The following TRMT5 variants were observed in gnomAD, a reference collection of about 807,000 sequenced individuals.
TRMT5 encodes the protein tRNA methyltransferase 5.
Under a neutral mutation model 42.2 loss-of-function variants are expected in TRMT5, and 31 were observed. The observed-to-expected ratio is 0.73, with a 90% CI of 0.55 to 0.99. TRMT5 has a LOEUF of 0.99. Among genes scored for constraint, TRMT5 ranks in the 50% least tolerant of loss-of-function variants. TRMT5 has a pLI of 0.00. For missense variants in TRMT5, 568 were observed against 595.0 expected (o/e 0.95, Z 0.47); for synonymous variants, 198 against 209.6 (o/e 0.94, Z 0.48).
chr14:60,981,508 G>T, upstream of TRMT5: 2 of 1,534,900 alleles, frequency 1.3e-6, no homozygotes, highest in Non-Finnish European at 8.7e-7. Flanking sequence ...GAACCCTGGG[G>T]GATGGGGTCT....
chr14:60,972,520 G>A lies in TRMT5; in HGVS notation c.*2589C>T, dbSNP rs1001882035. ...CACCGGGTGTGGGACGCAGCAGCGC[G>A]CGGGCTTTGGTCGGTCCAGGGGTCG... On this transcript the variant is annotated 3_prime_UTR_variant, in exon 5 of 5. Coordinates refer to ENST00000261249, the MANE Select transcript of TRMT5 (RefSeq NM_020810.3). 5 of 449,220 alleles carry A rather than the reference G, an allele frequency of 1.1e-5. No homozygotes were observed. Among genetic ancestry groups the A allele is most frequent in the African/African-American group, 6.1e-5 (3 of 49,316 alleles). The allele number at this position is 449,220 out of a possible 1,614,324, so 27.8% of individuals were successfully genotyped here. A position where few individuals can be genotyped will look rare whatever the true frequency, so the allele number is the denominator to read the frequency against.
intron 2 of TRMT5, among the ~76,000 whole-genome samples, chr14:60,978,083 G>A (rs1174051133): frequency 6.6e-6 from 1 of 151,908 alleles, no homozygotes; most frequent in African/African-American, 2.4e-5. Flanking sequence ...CTATGGCTTT[G>A]GAACAAATGC....
Position 60,980,970 on chromosome 14 carries a change from C to T in TRMT5, c.4G>A (p.Val2Met). The part of the protein sequence containing the change: M[V>M]LWILWRPFGF... ...ACGCGGCCGCCACCTCACCAAAGCA[C>T]CATTCCAATTCCCCACGTCGCTCTG... Residue 2 changes from valine (V) to methionine (M), a missense_variant, in exon 1 of 5, where the codon GTG (valine) becomes ATG (methionine). Transcript: ENST00000261249. 1 of 1,612,344 alleles carries T rather than the reference C, an allele frequency of 6.2e-7. No homozygotes were observed. The highest frequency in any genetic ancestry group is 8.5e-7 in the Non-Finnish European group (1 of 1,180,010).
rs1404114647 is a variant in TRMT5 at position 60,975,909 on chromosome 14, A to G, written c.1010T>C (p.Leu337Ser). 1 of 1,614,230 alleles carries G rather than the reference A, an allele frequency of 6.2e-7. No individual in the cohort carries two copies. Among genetic ancestry groups the G allele is most frequent in the Non-Finnish European group, 8.5e-7 (1 of 1,180,046 alleles). ...CACTTTATTTAATTTACAGTTGTAC[A>G]ACAGCCATTTATGAGATTCAGGATT... ...DLNPESHKWL[L>S]YNCKLNKVDQ... The change falls in exon 4 of 5, where the codon TTG (leucine) becomes TCG (serine). Residue 337 changes from leucine (L) to serine (S), a missense_variant. Transcript: ENST00000261249.
intron 2 of TRMT5, among the ~76,000 whole-genome samples, chr14:60,978,784 AACAGG>A (rs1566590797): frequency 6.6e-6 from 1 of 152,202 alleles, no homozygotes. Context: ...AGAAATGTGT[AACAGG>A]ACAGTATGGT....
chr14:60,981,057 G>T lies in TRMT5; in HGVS notation c.-84C>A, dbSNP rs779712802. ...CCGGTACCGATCGGATGTGGGTCGCGGGTGGATGGGCGGGTCTTCTATGAC... is the reference window on the plus strand; with the variant it reads ...CCGGTACCGATCGGATGTGGGTCGCTGGTGGATGGGCGGGTCTTCTATGAC... On this transcript the variant is annotated 5_prime_UTR_variant, in exon 1 of 5. Coordinates refer to ENST00000261249, the MANE Select transcript of TRMT5 (RefSeq NM_020810.3). The T allele has an allele frequency of 6.2e-7, 1 of 1,607,716 alleles. No individual in the cohort carries two copies. Among genetic ancestry groups the T allele is most frequent in the East Asian group, 2.2e-5 (1 of 44,812 alleles).
At chr14:60,981,123 T>G (rs757908451), upstream of TRMT5, 9 of 1,560,948 alleles carry the variant, frequency 5.8e-6, no homozygotes, top group Non-Finnish European at 6.9e-6. Context: ...CGTCATCAGA[T>G]CAAGTCGACT....
In TRMT5 at chr14:60,975,011, T is replaced by C. The variant is rs1268153951; in HGVS notation, c.*98A>G. ...TGTAAAATAAGGCAAAGTACAAGGG[T>C]TCAATAGTAAAAACCAAACCCTAAA... is the stretch of plus-strand genomic sequence containing the variant. On this transcript the variant is annotated 3_prime_UTR_variant, in exon 5 of 5. Transcript: ENST00000261249. 1.1e-6 allele frequency: 1 copy of C among 922,096 alleles called. No homozygotes were observed. The highest frequency in any genetic ancestry group is 3.0e-5 in the Admixed American group (1 of 33,268). 57.1% of individuals were successfully genotyped at this position (922,096 alleles called of 1,614,324 possible).
intron 2 of TRMT5, among the ~76,000 whole-genome samples, chr14:60,978,247 T>G (rs1234657105): frequency 6.6e-6 from 1 of 152,248 alleles, no homozygotes; most frequent in African/African-American, 2.4e-5. Flanking sequence ...GAATCTATTT[T>G]TTTAGTTAGC....
intron 3 of TRMT5, among the ~76,000 whole-genome samples, chr14:60,976,692 T>C (rs2036852814): frequency 6.6e-6 from 1 of 152,186 alleles, no homozygotes; most frequent in African/African-American, 2.4e-5. Flanking sequence ...ACTTTGCAAA[T>C]TTGATGTCTA....
At chr14:60,980,739 C>A in intron 1 of TRMT5, 1 of 653,372 alleles carries the variant, frequency 1.5e-6, no homozygotes, top group African/African-American at 1.8e-5. Context: ...AGCTGGGTGA[C>A]CCTGGATAAA....
At chr14:60,980,533 C>G (rs1454279155) in intron 1 of TRMT5, among the ~76,000 whole-genome samples, 2 of 152,290 alleles carry the variant, frequency 1.3e-5, no homozygotes, top group East Asian at 3.9e-4. Context: ...GCCACATGTC[C>G]TGCCTTTAAC....
chr14:60,977,480 G>T, intron 3 of TRMT5, 34 bp downstream of exon 3: 1 of 1,573,224 alleles, frequency 6.4e-7, no homozygotes, highest in South Asian at 1.2e-5. Context: ...ACATAATATT[G>T]ATATACACCT....
Position 60,981,068 on chromosome 14 carries a change from CG to C in TRMT5, c.-96del, listed in dbSNP as rs1366313439. 5 of 1,605,780 alleles carry C rather than the reference CG, an allele frequency of 3.1e-6. No individual in the cohort carries two copies. The Admixed American group carries it at 8.3e-5, about 27-fold the overall frequency. ...CGGATGTGGGTCGCGGGTGGATGGGCGGGTCTTCTATGACATCATCACTGTT... is the reference window on the plus strand; with the variant it reads ...CGGATGTGGGTCGCGGGTGGATGGGCGGTCTTCTATGACATCATCACTGTT... On this transcript the variant is annotated 5_prime_UTR_variant, in exon 1 of 5. Transcript: ENST00000261249.
chr14:60,975,237 A>G (rs1431471188), intron 4 of TRMT5, 43 bp from the exon 5 acceptor site: 2 of 1,507,732 alleles, frequency 1.3e-6, no homozygotes, highest in East Asian at 2.3e-5. Context: ...AGATATTAAC[A>G]GTTGAAAATA....
chr14:60,981,351 A>G (rs1328299739), upstream of TRMT5: 6 of 1,609,068 alleles, frequency 3.7e-6, no homozygotes, highest in Admixed American at 1.0e-4. Flanking sequence ...GAAGAAGCGG[A>G]GGCCGAAGAG....
chr14:60,975,698 T>A lies in TRMT5; in HGVS notation c.1221A>T (p.Pro407=). The change falls in exon 4 of 5, where the codon CCA becomes CCT. Residue 407 remains proline, a synonymous_variant. Transcript: ENST00000261249. ...CTATGGGAAGGAACTCACTGCTGCA[T>A]GGCTGCCCATCTAAAAGCCACTTGA... ...SAFKWLLDGQ[P]CSSEFLPIVH... The A allele has an allele frequency of 6.2e-7, 1 of 1,614,232 alleles. No individual in the cohort carries two copies. Among genetic ancestry groups the A allele is most frequent in the Non-Finnish European group, 8.5e-7 (1 of 1,180,050 alleles).
intron 3 of TRMT5, among the ~76,000 whole-genome samples, chr14:60,976,686 T>G (rs1460006915): frequency 2.0e-5 from 3 of 152,204 alleles, no homozygotes; most frequent in Non-Finnish European, 4.4e-5. Flanking sequence ...ACTTGAACTT[T>G]GCAAATTTGA....
intron 2 of TRMT5, among the ~76,000 whole-genome samples, chr14:60,977,924 A>G (rs1480936454): frequency 6.6e-6 from 1 of 152,218 alleles, no homozygotes; most frequent in African/African-American, 2.4e-5. Flanking sequence ...ATCTTTTCAA[A>G]TGAACCAATA....
Sources: gnomAD v4.1 joint callset for allele counts (sites outside exome capture counted in the v4.1 genomes callset) on GRCh38, gnomAD v4.1.1 for gene constraint, MANE v1.5 for transcripts, NCBI Gene and HGNC (gene_info 2026-07-23, HGNC 2026-07-21) for gene names.